Variants in FILIP1L observed in about 807,000 individuals in gnomAD.
FILIP1L encodes the protein filamin A interacting protein 1 like, also known as filamin A-interacting protein 1-like.
In FILIP1L, 55 loss-of-function variants were observed where a neutral mutation model predicts 96.6. The ratio of observed to expected loss-of-function variants is 0.57; its 90% CI spans 0.46 to 0.71. The LOEUF is 0.71. Ranked by LOEUF, FILIP1L falls within the 30% of genes least tolerant of loss-of-function variation. FILIP1L has a pLI of 0.00. For missense variants in FILIP1L, 1,304 were observed against 1,321.2 expected (o/e 0.99, Z 0.20); for synonymous variants, 467 against 473.9 (o/e 0.99, Z 0.19).
rs544392485 is a variant in FILIP1L, at chr3:99,931,730, A to G, written c.-10-700T>C. 2.6e-5 allele frequency among the ~76,000 whole-genome samples: 4 copies of G among 152,306 alleles called. No homozygotes were observed. In the South Asian group the frequency reaches 8.3e-4, roughly 32 times the overall value. On this transcript the variant is annotated intron_variant, in intron 1 of 5. Coordinates refer to ENST00000477258, the MANE Select transcript of FILIP1L (RefSeq NM_001387850.1). Reference sequence around the variant, plus strand: ...TCATCTTCAAAGCGGAGATACTACTACCTAACGTAGTTGGCCATTCTGGAA... The same window carrying G: ...TCATCTTCAAAGCGGAGATACTACTGCCTAACGTAGTTGGCCATTCTGGAA...
intron 4 of FILIP1L, among the ~76,000 whole-genome samples, chr3:99,855,189 A>T (rs957786510): frequency 1.1e-4 from 16 of 152,004 alleles, no homozygotes; most frequent in Admixed American, 9.8e-4. Context: ...ATGACCACCC[A>T]TTTTTTTCAA....
At chr3:99,846,239 G>A (rs751562508) in intron 5 of FILIP1L, among the ~76,000 whole-genome samples, 20 of 152,110 alleles carry the variant, frequency 1.3e-4, no homozygotes, top group Non-Finnish European at 2.4e-4. Flanking sequence ...CTCTTTATCT[G>A]TTTCCCCCAG....
chr3:99,955,495 C>T (rs1038598987), intron 1 of FILIP1L, among the ~76,000 whole-genome samples: 6 of 152,128 alleles, frequency 3.9e-5, no homozygotes, highest in Admixed American at 2.6e-4. Context: ...ATTTAGTGGC[C>T]CAAGTTGAAT....
intron 1 of FILIP1L, among the ~76,000 whole-genome samples, chr3:99,953,850 A>G (rs1404015473): frequency 1.3e-5 from 2 of 152,124 alleles, no homozygotes; most frequent in Non-Finnish European, 2.9e-5. Flanking sequence ...GTCTTCCTTG[A>G]TCCACAAATA....
chr3:99,979,578 A>G (rs1247131457), intron 1 of FILIP1L, among the ~76,000 whole-genome samples: 1 of 152,236 alleles, frequency 6.6e-6, no homozygotes, highest in Admixed American at 6.5e-5. Context: ...AAACTCCTTA[A>G]TGAAAATTCC....
Position 99,929,944 on chromosome 3 carries a change from T to C in FILIP1L, c.338A>G (p.Lys113Arg). ...TCTCTGGAGAGCCTCTAACACCTTT[T>C]TTGGAGTGACAAACCCATACTGAGC... ...LEAQYGFVTP[K>R]KVLEALQRDA... The change falls in exon 3 of 6, where the codon AAA becomes AGA. Residue 113 changes from lysine (K) to arginine (R), a missense_variant. By Grantham distance (26) the Lys-to-Arg change is conservative. Coordinates refer to ENST00000477258, the MANE Select transcript of FILIP1L (RefSeq NM_001387850.1). 1 of 1,614,128 alleles carries C rather than the reference T, an allele frequency of 6.2e-7. No individual in the cohort carries two copies. The highest frequency in any genetic ancestry group is 8.5e-7 in the Non-Finnish European group (1 of 1,180,012).
intron 1 of FILIP1L, among the ~76,000 whole-genome samples, chr3:100,082,124 A>G (rs2065941712): frequency 6.6e-6 from 1 of 152,234 alleles, no homozygotes; most frequent in South Asian, 2.1e-4. Context: ...AGTCTTTAAA[A>G]TGAAATTGCA....
At chr3:100,018,926 CAAG>C (rs1430436882) in intron 1 of FILIP1L, among the ~76,000 whole-genome samples, 1 of 151,854 alleles carries the variant, frequency 6.6e-6, no homozygotes, top group Non-Finnish European at 1.5e-5. Context: ...GATAAATAGC[CAAG>C]AGGTATATAA....
At chr3:99,917,776 A>G (rs1706997539) in intron 4 of FILIP1L, among the ~76,000 whole-genome samples, 1 of 152,202 alleles carries the variant, frequency 6.6e-6, no homozygotes, top group Non-Finnish European at 1.5e-5. Flanking sequence ...TCCTTTAAGA[A>G]TGGATGTACA....
At chr3:99,854,084 C>T (rs1393020512) in intron 4 of FILIP1L, among the ~76,000 whole-genome samples, 2 of 152,118 alleles carry the variant, frequency 1.3e-5, no homozygotes, top group Non-Finnish European at 2.9e-5. Flanking sequence ...GAATGGTCCA[C>T]CCTAAATCGT....
intron 5 of FILIP1L, among the ~76,000 whole-genome samples, chr3:99,834,417 ATC>A (rs1378917974): frequency 1.3e-5 from 2 of 152,180 alleles, no homozygotes; most frequent in Non-Finnish European, 2.9e-5. Flanking sequence ...TCACCTCTCA[ATC>A]TCTCTTTCTG....
intron 5 of FILIP1L, chr3:99,833,082 C>T (rs1447258205): frequency 4.4e-6 from 3 of 683,230 alleles, no homozygotes; most frequent in Non-Finnish European, 5.2e-6. Flanking sequence ...GTTGGAGGCT[C>T]CTGGGTTTCA....
chr3:99,892,543 T>C (rs2097441588), intron 4 of FILIP1L, among the ~76,000 whole-genome samples: 1 of 152,242 alleles, frequency 6.6e-6, no homozygotes, highest in South Asian at 2.1e-4. Flanking sequence ...CTGGTTCTTG[T>C]GGCTTTGATC....
chr3:99,915,187 A>G (rs976587687), intron 4 of FILIP1L, among the ~76,000 whole-genome samples: 2 of 152,166 alleles, frequency 1.3e-5, no homozygotes, highest in African/African-American at 4.8e-5. Flanking sequence ...TCCCATGACC[A>G]TGCTAACCGA....
intron 1 of FILIP1L, among the ~76,000 whole-genome samples, chr3:99,933,097 C>T (rs990591949): frequency 3.9e-5 from 6 of 152,298 alleles, no homozygotes; most frequent in Non-Finnish European, 7.3e-5. Context: ...GAAGGTTGCA[C>T]AGCTAATAAG....
chr3:100,021,631 A>G (rs528108293), intron 1 of FILIP1L, among the ~76,000 whole-genome samples: 2 of 152,292 alleles, frequency 1.3e-5, no homozygotes, highest in East Asian at 1.9e-4. Context: ...ATAGAGCACT[A>G]CTTTGAACAA....
intron 1 of FILIP1L, among the ~76,000 whole-genome samples, chr3:99,963,159 T>C (rs1004399492): frequency 1.3e-5 from 2 of 152,192 alleles, no homozygotes; most frequent in African/African-American, 4.8e-5. Flanking sequence ...TTCGAAATGC[T>C]CTTACTCTTA....
At chr3:99,939,135 C>G (rs919779899) in intron 1 of FILIP1L, among the ~76,000 whole-genome samples, 2 of 152,158 alleles carry the variant, frequency 1.3e-5, no homozygotes, top group African/African-American at 4.8e-5. Context: ...AAAGTCAAAG[C>G]CACAGAGAGA....
At chr3:100,030,823 A>G (rs942376785) in intron 1 of FILIP1L, among the ~76,000 whole-genome samples, 2 of 152,214 alleles carry the variant, frequency 1.3e-5, no homozygotes, top group African/African-American at 4.8e-5. Context: ...GCTTTGGTCA[A>G]TTTATAACCT....
Sources: allele counts gnomAD v4.1 joint callset (sites outside exome capture counted in the v4.1 genomes callset), GRCh38; gene constraint gnomAD v4.1.1; transcripts MANE v1.5; gene names NCBI Gene and HGNC (gene_info 2026-07-23, HGNC 2026-07-21).